Variants in CDKN2B-AS1 observed in about 807,000 individuals in gnomAD.
CDKN2B-AS1 encodes the protein CDKN2B and CDKN2A antisense cis and trans regulatory RNA 1, also known as CDKN2B antisense RNA 1 (non-protein coding).
At chr9:22,003,356 C>T (rs1045628184) in intron 1 of CDKN2B-AS1, 4 of 224,118 alleles carry the variant, frequency 1.8e-5, no homozygotes, top group Non-Finnish European at 3.6e-5. Flanking sequence ...TCTTTAGTTT[C>T]CCTTAATATC....
intron 1 of CDKN2B-AS1, chr9:22,008,787 G>T (rs1821329967): frequency 6.2e-7 from 1 of 1,606,824 alleles, no homozygotes; most frequent in African/African-American, 1.3e-5. Flanking sequence ...AGGCCCTGGG[G>T]CCCCAGCTAC....
chr9:22,043,816 T>C (rs954541005), intron 1 of CDKN2B-AS1, among the ~76,000 whole-genome samples: 1 of 151,988 alleles, frequency 6.6e-6, no homozygotes, highest in Non-Finnish European at 1.5e-5. Context: ...TTAATATAAA[T>C]ATGTTACTAC....
chr9:22,039,876 T>C lies in CDKN2B-AS1; in HGVS notation n.30-6875T>C, dbSNP rs1230425284. Among the ~76,000 whole-genome samples the C allele has an allele frequency of 6.6e-6, 1 of 152,028 alleles. No homozygotes were observed. Among genetic ancestry groups the C allele is most frequent in the Non-Finnish European group, 1.5e-5 (1 of 67,966 alleles). On this transcript the variant is annotated intron_variant and non_coding_transcript_variant, in intron 1 of 4. Transcript: ENST00000650946. This position sits in a 1 kb window ranked among gnomAD's most constrained non-coding sequence, Gnocchi z 4.4. ...TTTGGAAACAGGGTCATTGCAAATA[T>C]AATTAGTTAAGATGCGATCTTACTG...
At chr9:22,121,648 G>A (rs890684118) in intron 4 of CDKN2B-AS1, among the ~76,000 whole-genome samples, 1 of 151,946 alleles carries the variant, frequency 6.6e-6, no homozygotes, top group African/African-American at 2.4e-5. Context: ...GTGAGAACAT[G>A]CGGTGTTTAG....
At position 22,005,658 on chromosome 9, in the gene CDKN2B-AS1, G is replaced by A. The variant is rs1821136878; in HGVS notation, n.29+10497G>A. The A allele has an allele frequency of 4.2e-6, 2 of 481,884 alleles. No individual in the cohort carries two copies. Among genetic ancestry groups the A allele is most frequent in the African/African-American group, 1.9e-5 (1 of 52,074 alleles). 29.9% of individuals were successfully genotyped at this position (481,884 alleles called of 1,614,324 possible). ...TCCATCGGAAGATTCGTAGCCACCAGGTCCAGTCAAGGATTTCATATGCAC... is the reference window on the plus strand; with the variant it reads ...TCCATCGGAAGATTCGTAGCCACCAAGTCCAGTCAAGGATTTCATATGCAC... On this transcript the variant is annotated intron_variant and non_coding_transcript_variant, in intron 1 of 4. Transcript: ENST00000650946. This position sits in a 1 kb window ranked among gnomAD's most constrained non-coding sequence, Gnocchi z 4.9.
intron 1 of CDKN2B-AS1, among the ~76,000 whole-genome samples, chr9:22,025,884 C>T (rs1214301859): frequency 6.6e-6 from 1 of 152,122 alleles, no homozygotes; most frequent in East Asian, 1.9e-4. Flanking sequence ...ATGCTTTAGC[C>T]CCTGATTGCC....
rs576116469 is a variant in CDKN2B-AS1 at position 22,094,871 on chromosome 9, TGGA to T, written n.439-32224_439-32222del. The stretch of plus-strand genomic sequence containing the variant: ...TTGCTGGTGAGGAGCTGCATTCCTT[TGGA>T]GGAGGAGAGGCACTCTGATTTTTAG... On this transcript the variant is annotated intron_variant and non_coding_transcript_variant, in intron 4 of 4. Transcript: ENST00000650946. Among the ~76,000 whole-genome samples, 914 of 144,592 alleles carry T rather than the reference TGGA, an allele frequency of 6.3e-3. 210 individuals are homozygous for T. Among genetic ancestry groups the T allele is most frequent in the African/African-American group, 0.026 (895 of 34,754 alleles). The allele number at this position is 144,592 out of a possible 152,430, so 94.9% of individuals were successfully genotyped here. A position where few individuals can be genotyped will look rare whatever the true frequency, so the allele number is the denominator to read the frequency against.
At chr9:22,113,732 A>G (rs1350316829) in intron 4 of CDKN2B-AS1, 1 of 152,228 alleles carries the variant, frequency 6.6e-6, no homozygotes, top group East Asian at 1.9e-4. Context: ...CAGTTATACA[A>G]ACATTACTGT....
intron 4 of CDKN2B-AS1, among the ~76,000 whole-genome samples, chr9:22,077,273 T>C (rs1285425822): frequency 7.8e-6 from 1 of 128,572 alleles, no homozygotes; most frequent in East Asian, 1.9e-4. Context: ...TTAAAGTATT[T>C]TAACATACAA....
At chr9:22,045,949 C>T (rs73652848) in intron 1 of CDKN2B-AS1, among the ~76,000 whole-genome samples, 5,885 of 152,132 alleles carry the variant, frequency 0.039, 298 homozygotes, top group African/African-American at 0.12. Context: ...AAAATGAATT[C>T]TCTTGCTATA....
At chr9:22,058,787 GAACAAAAAGAAGTTTAACTAGACT>G (rs981175238) in intron 4 of CDKN2B-AS1, 1 of 164,086 alleles carries the variant, frequency 6.1e-6, no homozygotes, top group Non-Finnish European at 1.3e-5. Flanking sequence ...CCAAAATTGG[GAACAAAAAGAAGTTTAACTAGACT>G]TACAGTTCCG....
intron 4 of CDKN2B-AS1, among the ~76,000 whole-genome samples, chr9:22,098,009 C>T (rs1470138667): frequency 6.6e-6 from 1 of 152,046 alleles, no homozygotes; most frequent in African/African-American, 2.4e-5. Context: ...AAATAAAATC[C>T]CTCCTTCCAC....
At chr9:22,095,481 A>G (rs1209992584) in intron 4 of CDKN2B-AS1, among the ~76,000 whole-genome samples, 6 of 148,920 alleles carry the variant, frequency 4.0e-5, no homozygotes, top group African/African-American at 7.8e-5. Flanking sequence ...GTTCTTTTAC[A>G]TTTGCTGAGG....
At chr9:22,109,678 T>G (rs1235241273) in intron 4 of CDKN2B-AS1, among the ~76,000 whole-genome samples, 6 of 152,176 alleles carry the variant, frequency 3.9e-5, no homozygotes. Flanking sequence ...ATATGAGATG[T>G]CATCTGCCAT....
chr9:22,109,850 A>G (rs1165408587), intron 4 of CDKN2B-AS1, among the ~76,000 whole-genome samples: 3 of 152,156 alleles, frequency 2.0e-5, no homozygotes. Flanking sequence ...AAGATTTTCC[A>G]TGCCTAATCA....
intron 4 of CDKN2B-AS1, among the ~76,000 whole-genome samples, chr9:22,091,297 C>A (rs1402967007): frequency 1.3e-5 from 2 of 152,144 alleles, no homozygotes; most frequent in East Asian, 3.9e-4. Flanking sequence ...TTAGGATTGA[C>A]TTGGCAATGC....
chr9:22,029,968 A>G (rs1281403281), intron 1 of CDKN2B-AS1: 1 of 152,686 alleles, frequency 6.5e-6, no homozygotes, highest in Non-Finnish European at 1.5e-5. Context: ...CTATAACTTT[A>G]CTAATCAGTT....
At chr9:22,113,514 T>A (rs1012046527) in intron 4 of CDKN2B-AS1, among the ~76,000 whole-genome samples, 1 of 152,164 alleles carries the variant, frequency 6.6e-6, no homozygotes, top group Non-Finnish European at 1.5e-5. Flanking sequence ...GAGACTAGGG[T>A]ATAAAATCTT....
chr9:22,027,177 CAAAAAA>C (rs35868692), intron 1 of CDKN2B-AS1, among the ~76,000 whole-genome samples: 8 of 141,786 alleles, frequency 5.6e-5, no homozygotes, highest in African/African-American at 2.1e-4. Flanking sequence ...ACCTTTCTAG[CAAAAAA>C]AAAAAAAAAA....
Sources: allele counts gnomAD v4.1 joint callset (sites outside exome capture counted in the v4.1 genomes callset), GRCh38; gene constraint gnomAD v4.1.1; non-coding constraint Gnocchi (gnomAD v3.1); transcripts MANE v1.5; gene names NCBI Gene and HGNC (gene_info 2026-07-23, HGNC 2026-07-21).